The following PRICKLE2 variants were observed in gnomAD, a reference collection of about 807,000 sequenced individuals.
PRICKLE2 encodes prickle planar cell polarity protein 2, also known as prickle-like protein 2.
PRICKLE2 carries 21 observed loss-of-function variants against 81.4 expected under a neutral mutation model. The ratio of observed to expected loss-of-function variants is 0.26; its 90% CI spans 0.18 to 0.37. The LOEUF (loss-of-function observed/expected upper bound fraction) is 0.37, where lower values mean the gene tolerates loss of function less well. Among genes scored for constraint, PRICKLE2 ranks in the 10% least tolerant of loss-of-function variants. PRICKLE2 has a pLI of 1.00. For missense variants in PRICKLE2, 940 were observed against 1,109.0 expected, an observed-to-expected ratio of 0.85 and a Z score of 2.16; for synonymous variants, 456 against 421.5, an observed-to-expected ratio of 1.08 and a Z score of -1.00.
At chr3:64,250,261 G>T (rs1483113107) in intron 2 of PRICKLE2, among the ~76,000 whole-genome samples, 1 of 152,148 alleles carries the variant, frequency 6.6e-6, no homozygotes, top group Non-Finnish European at 1.5e-5. Flanking sequence ...TTTGTTGGAG[G>T]GGGCTGTCTT....
Position 64,147,349 on chromosome 3 carries a change from GGCTGAGCA to G in PRICKLE2, c.1133_1140del (p.Met378ThrfsTer105). 3 of 1,614,186 alleles carry G rather than the reference GGCTGAGCA, an allele frequency of 1.9e-6. No individual in the cohort carries two copies. Among genetic ancestry groups the G allele is most frequent in the Non-Finnish European group, 2.5e-6 (3 of 1,180,022 alleles). ...TTGAGGCTGGGTGTCTGGCTGGACA[GGCTGAGCA>G]TGTCCATCTGCAGTGACAGGGGGTC... On this transcript the variant is annotated frameshift_variant, in exon 7 of 8. Coordinates refer to ENST00000638394, the MANE Select transcript of PRICKLE2 (RefSeq NM_198859.4). LOFTEE classifies it high-confidence loss of function. This position sits in a 1 kb window ranked among gnomAD's most constrained non-coding sequence, Gnocchi z 5.0.
intron 2 of PRICKLE2, among the ~76,000 whole-genome samples, chr3:64,245,196 A>G (rs2107174596): frequency 6.6e-6 from 1 of 152,324 alleles, no homozygotes; most frequent in African/African-American, 2.4e-5. Flanking sequence ...ATAAAGCTCA[A>G]CTCCAATTCC....
Position 64,092,702 on chromosome 3 carries a change from TCTG to T in PRICKLE2, c.*6346_*6348del, listed in dbSNP as rs1363310516. 1 of 152,220 alleles carries T rather than the reference TCTG, an allele frequency of 6.6e-6. No individual in the cohort carries two copies. The highest frequency in any genetic ancestry group is 1.5e-5 in the Non-Finnish European group (1 of 68,044). 9.4% of individuals were successfully genotyped at this position (152,220 alleles called of 1,614,324 possible). A position where few individuals can be genotyped will look rare whatever the true frequency, so the allele number is the denominator to read the frequency against. ...AGCAAACACAAATATTTTTGGGTCA[TCTG>T]CTGCTTTCAATTCTTGCTAATAACT... On this transcript the variant is annotated 3_prime_UTR_variant, in exon 8 of 8. Coordinates refer to ENST00000638394, the MANE Select transcript of PRICKLE2 (RefSeq NM_198859.4).
At chr3:64,235,614 A>G (rs1480608869) in intron 2 of PRICKLE2, among the ~76,000 whole-genome samples, 1 of 152,182 alleles carries the variant, frequency 6.6e-6, no homozygotes, top group East Asian at 1.9e-4. Flanking sequence ...TTTCCCTGGC[A>G]GTGTGCAGCT....
chr3:64,265,167 C>G (rs1394107371), intron 2 of PRICKLE2, among the ~76,000 whole-genome samples: 1 of 151,862 alleles, frequency 6.6e-6, no homozygotes, highest in African/African-American at 2.4e-5. Flanking sequence ...AAAAGAAAAA[C>G]AAAAAACAAA....
At chr3:64,138,965 C>T (rs1167100850) in intron 7 of PRICKLE2, among the ~76,000 whole-genome samples, 1 of 152,148 alleles carries the variant, frequency 6.6e-6, no homozygotes, top group Non-Finnish European at 1.5e-5. Flanking sequence ...ATAGACCTGG[C>T]CCTTCCTTAA....
At chr3:64,110,959 C>CA (rs550808708) in intron 7 of PRICKLE2, among the ~76,000 whole-genome samples, 2,670 of 63,564 alleles carry the variant, frequency 0.042, 226 homozygotes, top group African/African-American at 0.11. Flanking sequence ...GACTCCATCT[C>CA]AAAAAAAAAA....
At chr3:64,243,374 C>A (rs1400058310) in intron 2 of PRICKLE2, among the ~76,000 whole-genome samples, 1 of 152,232 alleles carries the variant, frequency 6.6e-6, no homozygotes, top group Non-Finnish European at 1.5e-5. Context: ...ACCCTTTCCC[C>A]AGTCGTGAAA....
intron 7 of PRICKLE2, chr3:64,102,253 A>G (rs1488573141): frequency 1.3e-5 from 2 of 152,244 alleles, no homozygotes; most frequent in Non-Finnish European, 2.9e-5. Context: ...AGGGGTTCCC[A>G]GACCTCAGGC....
At chr3:64,131,360 C>T (rs1196905976) in intron 7 of PRICKLE2, among the ~76,000 whole-genome samples, 1 of 152,158 alleles carries the variant, frequency 6.6e-6, no homozygotes, top group African/African-American at 2.4e-5. Context: ...GCAACACCCA[C>T]CTGGGAAAAA....
upstream of PRICKLE2, among the ~76,000 whole-genome samples, chr3:64,228,270 A>G (rs1208132079): frequency 2.0e-5 from 3 of 152,188 alleles, no homozygotes; most frequent in Non-Finnish European, 4.4e-5. Context: ...AAGACAATTA[A>G]GTAGGCAATT....
chr3:64,134,505 G>A lies in PRICKLE2; in HGVS notation c.1660+12325C>T, dbSNP rs2077247463. ...AATTCTTTGTTGACTGGGTATAGGG[G>A]GATGGATGACATTTTGTGCACTGTA... On this transcript the variant is annotated intron_variant, in intron 7 of 7. Transcript: ENST00000638394. Among the ~76,000 whole-genome samples the A allele has an allele frequency of 3.9e-5, 6 of 152,140 alleles. No homozygotes were observed. In the South Asian group the frequency reaches 1.2e-3, roughly 32 times the overall value.
At chr3:64,163,315 A>G in intron 2 of PRICKLE2, 186 bp from the exon 3 acceptor site, 1 of 639,132 alleles carries the variant, frequency 1.6e-6, no homozygotes. Context: ...AGCAAGAGTC[A>G]GGCAAATCAT....
intron 2 of PRICKLE2, among the ~76,000 whole-genome samples, chr3:64,258,211 G>C (rs777680062): frequency 2.6e-5 from 4 of 152,106 alleles, no homozygotes; most frequent in Non-Finnish European, 5.9e-5. Flanking sequence ...AGACATCTTG[G>C]ATGAAAGTAC....
chr3:64,113,312 C>T (rs755473756), intron 7 of PRICKLE2, among the ~76,000 whole-genome samples: 14 of 152,182 alleles, frequency 9.2e-5, no homozygotes, highest in African/African-American at 2.9e-4. Context: ...TGGACCTGAT[C>T]GCTGAAGGGT....
intron 7 of PRICKLE2, chr3:64,141,757 T>C: frequency 1.0e-6 from 1 of 974,092 alleles, no homozygotes; most frequent in Non-Finnish European, 1.2e-6. Flanking sequence ...TTTTCAGATC[T>C]GTTCTGAGGA....
At position 64,261,979 on chromosome 3, in the gene PRICKLE2, T is replaced by C. The variant is rs191355608; in HGVS notation, c.129-63012A>G. ...AAAATGATGGCAGCATGGACTAAAG[T>C]TGGACCTGTGGAGGTTTGAGATATG... On this transcript the variant is annotated intron_variant, in intron 2 of 8. Coordinates refer to the PRICKLE2 transcript ENST00000295902. Among the ~76,000 whole-genome samples the C allele has an allele frequency of 1.1e-4, 17 of 152,288 alleles. No homozygotes were observed. In the East Asian group the frequency reaches 2.9e-3, roughly 26 times the overall value.
chr3:64,146,874 G>C lies in PRICKLE2; in HGVS notation c.1616C>G (p.Thr539Ser). ...CAGGGATTCCATGGAGCCCCGAGGG[G>C]TCTGCTCTGTGGGCGTCATGTCCTC... ...YTEDMTPTEQTPRGSMESLAL... is the reference protein window; with the variant it reads ...YTEDMTPTEQSPRGSMESLAL... Residue 539 changes from threonine to serine, a missense_variant, in exon 7 of 8, where the codon ACC becomes AGC. Physicochemically the swap from Thr to Ser is moderately conservative, Grantham distance 58. Around this residue, in one of 2 missense-constraint regions of PRICKLE2, gnomAD observed 670 missense variants for 717.2 expected, o/e 0.93. Transcript: ENST00000638394. 6.2e-7 allele frequency: 1 copy of C among 1,614,180 alleles called. No homozygotes were observed. The highest frequency in any genetic ancestry group is 1.1e-5 in the South Asian group (1 of 91,078).
intron 2 of PRICKLE2, among the ~76,000 whole-genome samples, chr3:64,267,107 G>C (rs1366803312): frequency 1.3e-5 from 2 of 152,028 alleles, no homozygotes; most frequent in African/African-American, 4.8e-5. Flanking sequence ...AAATTTCCCA[G>C]GGCACGGCTG....
Sources: allele counts gnomAD v4.1 joint callset (sites outside exome capture counted in the v4.1 genomes callset), GRCh38; gene constraint gnomAD v4.1.1; regional missense constraint gnomAD v4.1.1; non-coding constraint Gnocchi (gnomAD v3.1); transcripts MANE v1.5; gene names NCBI Gene and HGNC (gene_info 2026-07-23, HGNC 2026-07-21).